The following EVC variants were observed in gnomAD, a reference collection of about 807,000 sequenced individuals.
EVC encodes the protein EvC ciliary complex subunit 1.
Under a neutral mutation model 118.9 loss-of-function variants are expected in EVC, and 116 were observed. The ratio of observed to expected loss-of-function variants is 0.98; its 90% confidence interval spans 0.84 to 1.14. The LOEUF is 1.14. Among genes scored for constraint, EVC ranks in the 50% most tolerant of loss-of-function variants. The pLI is 0.00. For missense variants in EVC, 1,401 were observed against 1,246.4 expected, an observed-to-expected ratio of 1.12 and a Z score of -1.87; for synonymous variants, 619 against 534.7, an observed-to-expected ratio of 1.16 and a Z score of -2.18.
rs1723751507 is a variant in EVC at position 5,715,241 on chromosome 4, A to G, written c.174+3687A>G. 2.0e-5 allele frequency among the ~76,000 whole-genome samples: 3 copies of G among 152,182 alleles called. No homozygotes were observed. The South Asian group carries it at 6.2e-4, about 32-fold the overall frequency. On this transcript the variant is annotated intron_variant, in intron 1 of 20. Transcript: ENST00000264956. The stretch of plus-strand genomic sequence containing the variant: ...GATCCATTTTATCTTCTTGAGAAAA[A>G]TATCTCTCCCAGAAACATTCTGACA...
In EVC at chr4:5,719,421, G is replaced by A. The variant is rs745966873; in HGVS notation, c.300+48G>A. On this transcript the variant is annotated intron_variant, in intron 2 of 20. Coordinates refer to ENST00000264956, the MANE Select transcript of EVC (RefSeq NM_153717.3). The surrounding 1 kb of genome is among the most constrained non-coding windows in gnomAD (Gnocchi z 4.7). The stretch of plus-strand genomic sequence containing the variant: ...TTTGTGGAGGCACATGTGGGAGGTG[G>A]GGTATTCCCCCTGGAAGCCGGGTGT... The A allele has an allele frequency of 3.1e-6, 5 of 1,613,232 alleles. No homozygotes were observed. In the South Asian group the frequency reaches 5.5e-5, roughly 18 times the overall value.
intron 12 of EVC, among the ~76,000 whole-genome samples, chr4:5,791,163 G>A (rs376556881): frequency 6.6e-6 from 1 of 152,158 alleles, no homozygotes; most frequent in East Asian, 1.9e-4. Context: ...TGGAATAGCA[G>A]ATTAAATTGT....
chr4:5,792,671 A>G (rs1280800933), intron 12 of EVC, among the ~76,000 whole-genome samples: 1 of 152,234 alleles, frequency 6.6e-6, no homozygotes, highest in Non-Finnish European at 1.5e-5. Context: ...GAATGTCTCT[A>G]TTGAAAAGCC....
intron 2 of EVC, among the ~76,000 whole-genome samples, chr4:5,726,937 T>A (rs978624599): frequency 2.6e-5 from 4 of 152,130 alleles, no homozygotes; most frequent in African/African-American, 9.7e-5. Flanking sequence ...TTCCATGGTG[T>A]ATATGTGACA....
In EVC at chr4:5,766,259, C is replaced by G. The variant is rs1001257661; in HGVS notation, c.1563+9897C>G. On this transcript the variant is annotated intron_variant, in intron 11 of 20. Transcript: ENST00000264956. ...CACTCTCTTCTGGCTTGTAGAGTTT[C>G]TGCCTAGCGATCAGCTGTTAGTCTG... is the stretch of plus-strand genomic sequence containing the variant. 6.5e-4 allele frequency among the ~76,000 whole-genome samples: 98 copies of G among 151,808 alleles called. 2 individuals carry two copies. Among genetic ancestry groups the G allele is most frequent in the African/African-American group, 2.1e-3 (86 of 41,130 alleles).
At chr4:5,745,382 C>A in intron 7 of EVC, 41 bp downstream of exon 7, 1 of 1,608,802 alleles carries the variant, frequency 6.2e-7, no homozygotes. Context: ...AATTTTGGTT[C>A]CTAAAACAGT....
chr4:5,748,077 G>C (rs4689311), intron 7 of EVC, 71 bp from the exon 8 acceptor site: 1 of 1,504,224 alleles, frequency 6.6e-7, no homozygotes, highest in Non-Finnish European at 9.2e-7. Flanking sequence ...TGTAATTCCC[G>C]AGCACGCACC....
chr4:5,764,525 C>G (rs1732566381), intron 11 of EVC, among the ~76,000 whole-genome samples: 1 of 149,526 alleles, frequency 6.7e-6, no homozygotes, highest in Non-Finnish European at 1.5e-5. Flanking sequence ...GTGAATCCAT[C>G]TGGTCCTGGA....
At chr4:5,725,080 C>T (rs1223694455) in intron 2 of EVC, among the ~76,000 whole-genome samples, 4 of 152,190 alleles carry the variant, frequency 2.6e-5, no homozygotes, top group East Asian at 1.9e-4. Context: ...GGCTGCATAG[C>T]ATTCCGTAGT....
At chr4:5,825,700 C>T in the EVC span, 2 of 1,597,882 alleles carry the variant, frequency 1.3e-6, no homozygotes, top group South Asian at 2.3e-5. The surrounding 1 kb of genome is among the most constrained non-coding windows in gnomAD (Gnocchi z 4.4). Flanking sequence ...CGACACTGTG[C>T]ATGTGTGCCC....
the EVC span, among the ~76,000 whole-genome samples, chr4:5,827,490 G>A: frequency 6.6e-6 from 1 of 152,134 alleles, no homozygotes; most frequent in Non-Finnish European, 1.5e-5. Context: ...CTGGAGCCTG[G>A]GAATGCAGGA....
At chr4:5,723,466 G>A (rs1248880586) in intron 2 of EVC, among the ~76,000 whole-genome samples, 1 of 152,134 alleles carries the variant, frequency 6.6e-6, no homozygotes, top group Non-Finnish European at 1.5e-5. Context: ...TGGGATTACA[G>A]GTGTGAGCCA....
intron 11 of EVC, among the ~76,000 whole-genome samples, chr4:5,775,222 C>T (rs1032692993): frequency 1.3e-5 from 2 of 151,840 alleles, no homozygotes; most frequent in Non-Finnish European, 2.9e-5. Flanking sequence ...TCCATCATCC[C>T]CACTCATTGA....
chr4:5,770,075 C>G (rs986647584), intron 11 of EVC, among the ~76,000 whole-genome samples: 1 of 152,088 alleles, frequency 6.6e-6, no homozygotes, highest in Non-Finnish European at 1.5e-5. Flanking sequence ...GGGGGGCTCT[C>G]TGCACAGAGC....
At chr4:5,752,479 G>A (rs1441528245) in intron 8 of EVC, among the ~76,000 whole-genome samples, 1 of 152,156 alleles carries the variant, frequency 6.6e-6, no homozygotes, top group East Asian at 1.9e-4. Context: ...GGGCCACAGG[G>A]CCAGATTGGC....
intron 11 of EVC, among the ~76,000 whole-genome samples, chr4:5,766,232 C>T (rs1732839853): frequency 1.3e-5 from 2 of 151,650 alleles, no homozygotes; most frequent in South Asian, 4.2e-4. Flanking sequence ...GATATTGGCC[C>T]CCACTCTCTT....
chr4:5,726,568 C>CTTTTTTTTTTTTT (rs34483285), intron 2 of EVC, among the ~76,000 whole-genome samples: 1 of 134,476 alleles, frequency 7.4e-6, no homozygotes, highest in Admixed American at 7.6e-5. Flanking sequence ...CTTCTCTTTT[C>CTTTTTTTTTTTTT]TTTTTTTTTT....
chr4:5,828,088 C>T, the EVC span: 6 of 985,262 alleles, frequency 6.1e-6, no homozygotes, highest in African/African-American at 8.7e-5. Context: ...GGGCCAGACC[C>T]GAGGGTTTCT....
Position 5,810,975 on chromosome 4 carries a change from GA to G in EVC, c.2920del (p.Ser974ValfsTer13), listed in dbSNP as rs1370417156. 5 of 1,612,936 alleles carry G rather than the reference GA, an allele frequency of 3.1e-6. No individual in the cohort carries two copies. The highest frequency in any genetic ancestry group is 1.7e-5 in the Admixed American group (1 of 59,978). ...SLSSKRLSQQ[E>X]SEAGDSGNSK... ...AAGCAGCAAAAGGCTGAGTCAGCAA[GA>G]AAGTGAAGCTGGGGACAGTGGGAAC... On this transcript the variant is annotated frameshift_variant, in exon 21 of 21. Transcript: ENST00000264956. LOFTEE classifies it low-confidence loss of function (END_TRUNC).
Sources: gnomAD v4.1 joint callset for allele counts (sites outside exome capture counted in the v4.1 genomes callset) on GRCh38, gnomAD v4.1.1 for gene constraint, Gnocchi (gnomAD v3.1) non-coding constraint, MANE v1.5 for transcripts, NCBI Gene and HGNC (gene_info 2026-07-23, HGNC 2026-07-21) for gene names.